PAPSS2: variants seen among roughly 807,000 people sequenced by gnomAD.
The protein encoded by PAPSS2 is bifunctional 3'-phosphoadenosine 5'-phosphosulfate synthase 2.
A neutral mutation model predicts 66.5 loss-of-function variants in PAPSS2; 61 were observed. The ratio of observed to expected loss-of-function variants is 0.92; its 90% CI spans 0.75 to 1.14. PAPSS2 has a LOEUF of 1.14. Among genes scored for constraint, PAPSS2 ranks in the 50% most tolerant of loss-of-function variants. The pLI is 0.00. For missense variants in PAPSS2, 708 were observed against 789.6 expected, an observed-to-expected ratio of 0.90 and a Z score of 1.24; for synonymous variants, 289 against 287.5, an observed-to-expected ratio of 1.01 and a Z score of -0.05.
At chr10:87,695,441 C>A (rs1853220203) in intron 1 of PAPSS2, among the ~76,000 whole-genome samples, 1 of 152,158 alleles carries the variant, frequency 6.6e-6, no homozygotes, top group African/African-American at 2.4e-5. Flanking sequence ...GCAGCCTGTA[C>A]ATAAAAAATG....
At position 87,709,299 on chromosome 10, in the gene PAPSS2, C is replaced by A; in HGVS notation, c.131C>A (p.Thr44Asn). ...ACAAGGGGTGGGTTCCGAGGATGTA[C>A]CGTGTGGCTAACAGGTATGTCATGT... is the stretch of plus-strand genomic sequence containing the variant. ...VGTRGGFRGC[T>N]VWLTGLSGAG... The change falls in exon 2 of 13, where the codon ACC (threonine) becomes AAC (asparagine). Residue 44 changes from threonine to asparagine, a missense_variant. Coordinates refer to ENST00000456849, the MANE Select transcript of PAPSS2 (RefSeq NM_001015880.2). 3.1e-6 allele frequency: 5 copies of A among 1,597,762 alleles called. No individual in the cohort carries two copies. Among genetic ancestry groups the A allele is most frequent in the Non-Finnish European group, 4.3e-6 (5 of 1,167,188 alleles).
chr10:87,701,327 CCTTT>C (rs71019494), intron 1 of PAPSS2, among the ~76,000 whole-genome samples: 4,569 of 71,306 alleles, frequency 0.064, 247 homozygotes, highest in Non-Finnish European at 0.079. Flanking sequence ...TTCCTTCCTT[CCTTT>C]CTTTCTTTCT....
At chr10:87,678,121 T>C (rs1339605927) in intron 1 of PAPSS2, among the ~76,000 whole-genome samples, 1 of 152,134 alleles carries the variant, frequency 6.6e-6, no homozygotes, top group Non-Finnish European at 1.5e-5. Context: ...AAAAACTTTT[T>C]TTTCCCAGAA....
intron 1 of PAPSS2, among the ~76,000 whole-genome samples, chr10:87,682,996 C>G (rs1461881818): frequency 2.6e-5 from 4 of 152,128 alleles, no homozygotes; most frequent in East Asian, 1.9e-4. Flanking sequence ...TGTGTAGCTT[C>G]TCACATGCAA....
At chr10:87,734,663 GTATATATA>G (rs66686947) in intron 9 of PAPSS2, among the ~76,000 whole-genome samples, 3,221 of 81,114 alleles carry the variant, frequency 0.04, 109 homozygotes, top group African/African-American at 0.091. Context: ...GAATGTGTGT[GTATATATA>G]TATATATATA....
intron 2 of PAPSS2, among the ~76,000 whole-genome samples, chr10:87,711,342 T>C (rs1030300048): frequency 6.6e-6 from 1 of 152,260 alleles, no homozygotes; most frequent in African/African-American, 2.4e-5. Context: ...TTGTAATTAG[T>C]GTTACCTCAA....
rs201064028 is a variant in PAPSS2 at position 87,741,370 on chromosome 10, G to T, written c.1222G>T (p.Asp408Tyr). 3 of 1,610,140 alleles carry T rather than the reference G, an allele frequency of 1.9e-6. No homozygotes were observed. Among genetic ancestry groups the T allele is most frequent in the Non-Finnish European group, 2.5e-6 (3 of 1,176,580 alleles). The part of the protein sequence containing the change: ...LKQKCKEMNA[D>Y]AVFAFQLRNP... ...ACAGAAATGTAAAGAAATGAATGCT[G>T]GTATGTAAACTGTTCTTAGTGCATT... Residue 408 changes from aspartate to tyrosine, a missense_variant and splice_region_variant, in exon 10 of 13, where the codon GAT becomes TAT. By Grantham distance (160) the Asp-to-Tyr change is radical. Transcript: ENST00000456849.
At chr10:87,734,222 C>T (rs1001682589) in intron 9 of PAPSS2, among the ~76,000 whole-genome samples, 8 of 152,166 alleles carry the variant, frequency 5.3e-5, no homozygotes, top group African/African-American at 1.4e-4. Flanking sequence ...CGATCATGCG[C>T]TCTCTGACTT....
chr10:87,741,155 T>G, intron 9 of PAPSS2, 80 bp from the exon 10 acceptor site: 1 of 1,389,434 alleles, frequency 7.2e-7, no homozygotes, highest in Non-Finnish European at 1.0e-6. Context: ...TAACCCGAGA[T>G]TGGTCTAAAA....
chr10:87,738,391 GTTT>G (rs530482092), intron 9 of PAPSS2, among the ~76,000 whole-genome samples: 4 of 148,994 alleles, frequency 2.7e-5, no homozygotes, highest in East Asian at 2.0e-4. Flanking sequence ...ACCAACACTT[GTTT>G]TTTTTCTTTT....
At chr10:87,700,578 A>G (rs377170462) in intron 1 of PAPSS2, among the ~76,000 whole-genome samples, 2 of 151,610 alleles carry the variant, frequency 1.3e-5, no homozygotes, top group African/African-American at 4.8e-5. Flanking sequence ...GGATCGCTTG[A>G]GCCGGAGACG....
Position 87,704,110 on chromosome 10 carries a change from C to G in PAPSS2, c.28-5086C>G, listed in dbSNP as rs539846598. ...CAAAATATCTGCTTCTATTTGTTTG[C>G]CTTTTGCAAAACCTCAAGGGTGATT... On this transcript the variant is annotated intron_variant, in intron 1 of 12. Coordinates refer to ENST00000456849, the MANE Select transcript of PAPSS2 (RefSeq NM_001015880.2). 7.7e-4 allele frequency: 342 copies of G among 444,152 alleles called. 6 individuals are homozygous for G. The highest frequency in any genetic ancestry group is 4.1e-4 in the South Asian group (25 of 60,608). 27.5% of individuals were successfully genotyped at this position (444,152 alleles called of 1,614,324 possible). A position where few individuals can be genotyped will look rare whatever the true frequency, so the allele number is the denominator to read the frequency against.
intron 8 of PAPSS2, among the ~76,000 whole-genome samples, chr10:87,724,495 A>G (rs1461217247): frequency 6.6e-6 from 1 of 151,670 alleles, no homozygotes; most frequent in Non-Finnish European, 1.5e-5. Flanking sequence ...TCTCCAGAGA[A>G]ACAGAACAAA....
Position 87,746,250 on chromosome 10 carries a change from A to G in PAPSS2, c.*280A>G. The G allele has an allele frequency of 4.5e-6, 1 of 223,410 alleles. No homozygotes were observed. Among genetic ancestry groups the G allele is most frequent in the Non-Finnish European group, 8.6e-6 (1 of 116,502 alleles). 13.8% of individuals were successfully genotyped at this position (223,410 alleles called of 1,614,324 possible). On this transcript the variant is annotated 3_prime_UTR_variant, in exon 13 of 13. Coordinates refer to ENST00000456849, the MANE Select transcript of PAPSS2 (RefSeq NM_001015880.2). ...TATTTTCTACTGCACCTGAGCAGGC[A>G]GGTCCCAGATTTCTTAAGGCTTTGT...
chr10:87,712,454 C>G (rs1853473648), intron 2 of PAPSS2, among the ~76,000 whole-genome samples: 1 of 152,158 alleles, frequency 6.6e-6, no homozygotes, highest in Admixed American at 6.6e-5. Context: ...GTATACACAA[C>G]TTCCTTTTTG....
intron 1 of PAPSS2, among the ~76,000 whole-genome samples, chr10:87,662,739 A>C (rs1178403046): frequency 1.3e-5 from 2 of 152,242 alleles, no homozygotes; most frequent in Non-Finnish European, 2.9e-5. Context: ...CCAATCTGAA[A>C]ACATTGACTG....
chr10:87,738,674 A>C (rs1853830644), intron 9 of PAPSS2, among the ~76,000 whole-genome samples: 1 of 152,146 alleles, frequency 6.6e-6, no homozygotes, highest in South Asian at 2.1e-4. Context: ...TCATGCTGGG[A>C]TTACAGGCGT....
intron 9 of PAPSS2, among the ~76,000 whole-genome samples, chr10:87,736,943 T>A (rs922923200): frequency 1.3e-5 from 2 of 152,130 alleles, no homozygotes; most frequent in African/African-American, 4.8e-5. Context: ...CTCCACAACC[T>A]CTGCAGACCC....
intron 8 of PAPSS2, among the ~76,000 whole-genome samples, chr10:87,724,987 CCA>C (rs1342567775): frequency 6.6e-6 from 1 of 151,716 alleles, no homozygotes; most frequent in Non-Finnish European, 1.5e-5. Flanking sequence ...CGGTTCAAGT[CCA>C]CAGGCGGTCT....
Sources: gnomAD v4.1 joint callset for allele counts (sites outside exome capture counted in the v4.1 genomes callset) on GRCh38, gnomAD v4.1.1 for gene constraint, MANE v1.5 for transcripts, NCBI Gene and HGNC (gene_info 2026-07-23, HGNC 2026-07-21) for gene names.